Variants in JAKMIP2 observed in about 807,000 individuals in gnomAD.
The protein encoded by JAKMIP2 is janus kinase and microtubule interacting protein 2.
JAKMIP2 carries 25 observed loss-of-function variants against 115.0 expected under a neutral mutation model. That is an observed-to-expected ratio of 0.22 (90% CI 0.16 to 0.30). The LOEUF is 0.30. Ranked by LOEUF, JAKMIP2 falls within the 10% of genes least tolerant of loss-of-function variation. JAKMIP2 has a pLI of 1.00. For missense variants in JAKMIP2, 642 were observed against 957.6 expected, an observed-to-expected ratio of 0.67 and a Z score of 4.35; for synonymous variants, 334 against 343.6, an observed-to-expected ratio of 0.97 and a Z score of 0.31.
intron 19 of JAKMIP2, among the ~76,000 whole-genome samples, chr5:147,615,198 T>A (rs904895087): frequency 6.6e-6 from 1 of 152,170 alleles, no homozygotes; most frequent in Non-Finnish European, 1.5e-5. Context: ...TGGTTGTGAA[T>A]GAGTGCATAA....
At chr5:147,602,446 G>A (rs927798893) in intron 20 of JAKMIP2, among the ~76,000 whole-genome samples, 1 of 152,148 alleles carries the variant, frequency 6.6e-6, no homozygotes, top group Non-Finnish European at 1.5e-5. Context: ...ATCTGGTCAT[G>A]CTATTGGTAT....
At chr5:147,639,337 A>C (rs1475255635) in intron 10 of JAKMIP2, among the ~76,000 whole-genome samples, 1 of 152,222 alleles carries the variant, frequency 6.6e-6, no homozygotes, top group Admixed American at 6.5e-5. Flanking sequence ...GCAAGAAACT[A>C]AAAAATGGCT....
At chr5:147,729,600 C>T (rs528079385) in intron 1 of JAKMIP2, among the ~76,000 whole-genome samples, 1 of 151,906 alleles carries the variant, frequency 6.6e-6, no homozygotes, top group Non-Finnish European at 1.5e-5. Flanking sequence ...GGTGAAACCC[C>T]GTCTCTACTA....
chr5:147,638,659 C>T (rs192439500), intron 10 of JAKMIP2, among the ~76,000 whole-genome samples: 20 of 151,838 alleles, frequency 1.3e-4, no homozygotes, highest in African/African-American at 4.3e-4. Flanking sequence ...GCATTGTAGA[C>T]CCTCCAGAAA....
intron 18 of JAKMIP2, among the ~76,000 whole-genome samples, chr5:147,619,835 T>A (rs1756764452): frequency 6.6e-6 from 1 of 152,190 alleles, no homozygotes; most frequent in Non-Finnish European, 1.5e-5. Context: ...ATTTATCAAC[T>A]TGGGCAAAGT....
chr5:147,640,608 T>C (rs1757837032), intron 9 of JAKMIP2, 96 bp downstream of exon 9: 3 of 1,311,774 alleles, frequency 2.3e-6, no homozygotes, highest in Non-Finnish European at 3.2e-6. Flanking sequence ...GTGCTGTTTA[T>C]ATAAAGGAGA....
chr5:147,660,069 C>T (rs538480788), intron 3 of JAKMIP2, among the ~76,000 whole-genome samples: 1 of 152,000 alleles, frequency 6.6e-6, no homozygotes, highest in Non-Finnish European at 1.5e-5. Context: ...TTCTAACAGG[C>T]GATAGTTGAT....
intron 1 of JAKMIP2, among the ~76,000 whole-genome samples, chr5:147,760,104 G>A (rs1359964204): frequency 6.6e-6 from 1 of 152,074 alleles, no homozygotes; most frequent in Non-Finnish European, 1.5e-5. Flanking sequence ...TGGAGAGAAA[G>A]AAGGACACGT....
chr5:147,592,578 C>T (rs1381450908), intron 21 of JAKMIP2, among the ~76,000 whole-genome samples: 5 of 152,158 alleles, frequency 3.3e-5, no homozygotes, highest in Non-Finnish European at 5.9e-5. Context: ...TGAGGTTGTG[C>T]TATCATGTCC....
Position 147,591,524 on chromosome 5 carries a change from G to A in JAKMIP2, c.*183C>T. 1.4e-6 allele frequency: 1 copy of A among 719,250 alleles called. No individual in the cohort carries two copies. The highest frequency in any genetic ancestry group is 2.5e-6 in the Non-Finnish European group (1 of 407,480). 44.6% of individuals were successfully genotyped at this position (719,250 alleles called of 1,614,324 possible). A position where few individuals can be genotyped will look rare whatever the true frequency, so the allele number is the denominator to read the frequency against. ...AACAGGGTTGTGTAGGAACTGTCAAGTAAGAAACCTTGAATAATGGCTTTA... is the reference window on the plus strand; with the variant it reads ...AACAGGGTTGTGTAGGAACTGTCAAATAAGAAACCTTGAATAATGGCTTTA... On this transcript the variant is annotated 3_prime_UTR_variant, in exon 22 of 22. Coordinates refer to ENST00000616793, the MANE Select transcript of JAKMIP2 (RefSeq NM_001270941.2).
At chr5:147,741,369 G>A (rs553757891) in intron 1 of JAKMIP2, among the ~76,000 whole-genome samples, 108 of 152,158 alleles carry the variant, frequency 7.1e-4, no homozygotes, top group African/African-American at 2.5e-3. Context: ...CTTTGAGAGA[G>A]TACAATCGTG....
At chr5:147,732,141 G>A (rs977671024) in intron 1 of JAKMIP2, among the ~76,000 whole-genome samples, 3 of 152,108 alleles carry the variant, frequency 2.0e-5, no homozygotes, top group African/African-American at 7.2e-5. Flanking sequence ...CTCAAAGAAA[G>A]GTGGTAAATA....
intron 1 of JAKMIP2, among the ~76,000 whole-genome samples, chr5:147,782,255 T>G (rs886660801): frequency 6.6e-6 from 1 of 152,142 alleles, no homozygotes; most frequent in Admixed American, 6.5e-5. Context: ...ACCATTTTTT[T>G]TTTTTAAACA....
At chr5:147,753,539 C>T (rs1378034447) in intron 1 of JAKMIP2, among the ~76,000 whole-genome samples, 1 of 152,214 alleles carries the variant, frequency 6.6e-6, no homozygotes, top group African/African-American at 2.4e-5. Context: ...AATGCAACCA[C>T]ACGATATGGT....
intron 2 of JAKMIP2, among the ~76,000 whole-genome samples, chr5:147,665,298 A>G (rs775414047): frequency 6.6e-5 from 10 of 152,224 alleles, no homozygotes; most frequent in African/African-American, 1.9e-4. Flanking sequence ...AATATTCACT[A>G]TCTTGCCCTT....
At chr5:147,642,340 T>C (rs961759768) in intron 7 of JAKMIP2, among the ~76,000 whole-genome samples, 2 of 152,160 alleles carry the variant, frequency 1.3e-5, no homozygotes, top group African/African-American at 2.4e-5. Flanking sequence ...TCTCAAAGAA[T>C]GCCTAGAAAT....
At chr5:147,625,511 T>G (rs1173850094) in intron 16 of JAKMIP2, among the ~76,000 whole-genome samples, 1 of 152,310 alleles carries the variant, frequency 6.6e-6, no homozygotes, top group Admixed American at 6.5e-5. Flanking sequence ...TTTGTGTAAA[T>G]AGACTCATAT....
intron 1 of JAKMIP2, among the ~76,000 whole-genome samples, chr5:147,688,699 C>T (rs1250427485): frequency 6.6e-6 from 1 of 152,148 alleles, no homozygotes; most frequent in Non-Finnish European, 1.5e-5. Flanking sequence ...ACTATAGTCC[C>T]ACCCTTAAAG....
chr5:147,603,754 C>T (rs10044473), intron 20 of JAKMIP2, among the ~76,000 whole-genome samples: 144,879 of 152,308 alleles, frequency 0.95, 69,312 homozygotes, highest in East Asian at 1. Flanking sequence ...CATAAAAGTT[C>T]AGGAAGTTCA....
Sources: allele counts gnomAD v4.1 joint callset (sites outside exome capture counted in the v4.1 genomes callset), GRCh38; gene constraint gnomAD v4.1.1; transcripts MANE v1.5; gene names NCBI Gene and HGNC (gene_info 2026-07-23, HGNC 2026-07-21).